Variants in RAD21 observed in about 807,000 individuals in gnomAD.
RAD21 encodes the protein RAD21 cohesin complex component, also known as double-strand-break repair protein rad21 homolog.
In RAD21, 18 loss-of-function variants were observed where a neutral mutation model predicts 71.5. That is an observed-to-expected ratio of 0.25 (90% CI 0.17 to 0.37). RAD21 has a LOEUF of 0.37. Among genes scored for constraint, RAD21 ranks in the 10% least tolerant of loss-of-function variants. The pLI is 1.00. For synonymous variants in RAD21, 248 were observed against 254.0 expected, an observed-to-expected ratio of 0.98 and a Z score of 0.22; for missense variants, 493 against 769.1, an observed-to-expected ratio of 0.64 and a Z score of 4.25.
At chr8:116,873,511 T>C (rs1348797) in intron 1 of RAD21, among the ~76,000 whole-genome samples, 13,255 of 152,170 alleles carry the variant, frequency 0.087, 1,157 homozygotes, top group African/African-American at 0.22. Flanking sequence ...TTTAAGAAAA[T>C]AGAAATTTTT....
intron 11 of RAD21, 102 bp from the exon 12 acceptor site, chr8:116,850,869 AATACTGAGATT>A: frequency 1.3e-6 from 1 of 755,396 alleles, no homozygotes; most frequent in East Asian, 2.6e-5. Context: ...GTCAAAAAGA[AATACTGAGATT>A]ATATCTCTAT....
intron 1 of RAD21, among the ~76,000 whole-genome samples, chr8:116,872,302 T>C (rs1241608713): frequency 6.6e-6 from 1 of 152,138 alleles, no homozygotes; most frequent in Non-Finnish European, 1.5e-5. Flanking sequence ...AATTGTACAG[T>C]ACAACTTTAA....
At chr8:116,871,920 GA>G (rs1373256129) in intron 1 of RAD21, among the ~76,000 whole-genome samples, 1 of 152,178 alleles carries the variant, frequency 6.6e-6, no homozygotes, top group East Asian at 1.9e-4. Context: ...TGCCAGAGCA[GA>G]ACAGAACATT....
intron 10 of RAD21, 73 bp downstream of exon 10, chr8:116,852,476 G>T: frequency 7.2e-7 from 1 of 1,395,982 alleles, no homozygotes; most frequent in Non-Finnish European, 9.6e-7. Context: ...CTTTCACTCT[G>T]ACAGTATAAA....
At chr8:116,872,074 AC>A (rs1236609448) in intron 1 of RAD21, among the ~76,000 whole-genome samples, 1 of 152,142 alleles carries the variant, frequency 6.6e-6, no homozygotes, top group African/African-American at 2.4e-5. Flanking sequence ...GGAGGGGGGG[AC>A]AAAAAAACAC....
chr8:116,867,579 C>T (rs1046218901), intron 1 of RAD21, among the ~76,000 whole-genome samples: 1 of 152,098 alleles, frequency 6.6e-6, no homozygotes, highest in African/African-American at 2.4e-5. Context: ...ATTTAATTCC[C>T]CTCTTTCACG....
intron 1 of RAD21, 105 bp downstream of exon 1, chr8:116,874,506 C>A (rs1392573527): frequency 4.0e-6 from 1 of 246,928 alleles, no homozygotes; most frequent in Non-Finnish European, 8.0e-6. Context: ...TGCCTTCTCC[C>A]TCGCCCTCCC....
At chr8:116,871,392 A>G (rs1812820561) in intron 1 of RAD21, among the ~76,000 whole-genome samples, 1 of 152,224 alleles carries the variant, frequency 6.6e-6, no homozygotes, top group African/African-American at 2.4e-5. Context: ...TTAAAGTCTG[A>G]TGTGAAACAG....
rs747754527 is a variant in RAD21 at position 116,847,463 on chromosome 8, T to C, written c.*37A>G. The stretch of plus-strand genomic sequence containing the variant: ...ACACATGGGGGCAATTTGTAAGCAC[T>C]AGTGAATCAAACACTAGCTATAATG... On this transcript the variant is annotated 3_prime_UTR_variant, in exon 14 of 14. Transcript: ENST00000297338. The C allele has an allele frequency of 7.1e-6, 11 of 1,547,074 alleles. No individual in the cohort carries two copies. Among genetic ancestry groups the C allele is most frequent in the Non-Finnish European group, 8.8e-6 (10 of 1,142,824 alleles).
chr8:116,852,932 A>G (rs1048456176), intron 9 of RAD21, among the ~76,000 whole-genome samples: 4 of 152,186 alleles, frequency 2.6e-5, no homozygotes, highest in African/African-American at 9.6e-5. Flanking sequence ...TGTATCCATT[A>G]TCTCACAACC....
chr8:116,847,804 A>G lies in RAD21; in HGVS notation c.1705-113T>C, dbSNP rs1020836422. 4.5e-5 allele frequency: 47 copies of G among 1,054,970 alleles called. No homozygotes were observed. In the South Asian group the frequency reaches 7.3e-4, roughly 16 times the overall value. 65.4% of individuals were successfully genotyped at this position (1,054,970 alleles called of 1,614,324 possible). On this transcript the variant is annotated intron_variant, in intron 13 of 13. Coordinates refer to ENST00000297338, the MANE Select transcript of RAD21 (RefSeq NM_006265.3). ...CCTCCAAATCTCATGCTGAAACGTA[A>G]TTTCCCAGTGTTAGAGATGGAGCCT...
intron 2 of RAD21, among the ~76,000 whole-genome samples, chr8:116,863,690 G>T (rs1319607536): frequency 6.6e-6 from 1 of 152,080 alleles, no homozygotes; most frequent in Non-Finnish European, 1.5e-5. Flanking sequence ...AAGTATGCCA[G>T]AGAGTTTCTG....
intron 1 of RAD21, among the ~76,000 whole-genome samples, chr8:116,872,596 A>G (rs1384403667): frequency 6.6e-6 from 1 of 152,022 alleles, no homozygotes; most frequent in Non-Finnish European, 1.5e-5. Context: ...AATGTACACC[A>G]CCTATTCAAA....
chr8:116,872,826 T>G (rs1174389218), intron 1 of RAD21, among the ~76,000 whole-genome samples: 2 of 152,180 alleles, frequency 1.3e-5, no homozygotes, highest in Non-Finnish European at 2.9e-5. Context: ...TGAAGATATT[T>G]CTAACCCTGC....
At chr8:116,866,817 C>A in intron 1 of RAD21, 56 bp from the exon 2 acceptor site, 1 of 1,224,818 alleles carries the variant, frequency 8.2e-7, no homozygotes, top group South Asian at 2.4e-5. Context: ...AAATACTTAT[C>A]AAGACATAAG....
Position 116,847,348 on chromosome 8 carries a change from T to G in RAD21, c.*152A>C. The G allele has an allele frequency of 1.6e-6, 1 of 635,886 alleles. No individual in the cohort carries two copies. 39.4% of individuals were successfully genotyped at this position (635,886 alleles called of 1,614,324 possible). ...TCCCTCAAAGATGAAATTGACAAATTTAATGTACTGGAAAAAAATGAAGAA... is the reference window on the plus strand; with the variant it reads ...TCCCTCAAAGATGAAATTGACAAATGTAATGTACTGGAAAAAAATGAAGAA... On this transcript the variant is annotated 3_prime_UTR_variant, in exon 14 of 14. Coordinates refer to ENST00000297338, the MANE Select transcript of RAD21 (RefSeq NM_006265.3).
At chr8:116,867,652 A>G (rs1321486648) in intron 1 of RAD21, among the ~76,000 whole-genome samples, 1 of 152,138 alleles carries the variant, frequency 6.6e-6, no homozygotes, top group Non-Finnish European at 1.5e-5. Flanking sequence ...TATTGTTCTG[A>G]TTTTTTTCTA....
At chr8:116,869,343 G>A (rs564023953) in intron 1 of RAD21, among the ~76,000 whole-genome samples, 2 of 152,298 alleles carry the variant, frequency 1.3e-5, no homozygotes, top group South Asian at 4.1e-4. Context: ...CCAGCACTTT[G>A]GCAGGCCAAG....
rs919625513 is a variant in RAD21, at chr8:116,852,431, C to A, written c.1321+118G>T. 1.6e-4 allele frequency: 179 copies of A among 1,138,228 alleles called. 1 individual carries two copies. Among genetic ancestry groups the A allele is most frequent in the South Asian group, 1.7e-5 (1 of 57,184 alleles). 70.5% of individuals were successfully genotyped at this position (1,138,228 alleles called of 1,614,324 possible). A position where few individuals can be genotyped will look rare whatever the true frequency, so the allele number is the denominator to read the frequency against. ...CAATCAGATCCAATGCATTTCCCTG[C>A]CCAAACATTTGAGTATATCTTTGAT... On this transcript the variant is annotated intron_variant, in intron 10 of 13. Coordinates refer to ENST00000297338, the MANE Select transcript of RAD21 (RefSeq NM_006265.3).
Sources: allele counts gnomAD v4.1 joint callset (sites outside exome capture counted in the v4.1 genomes callset), GRCh38; gene constraint gnomAD v4.1.1; transcripts MANE v1.5; gene names NCBI Gene and HGNC (gene_info 2026-07-23, HGNC 2026-07-21).